The following MAPK10 variants were observed in gnomAD, a reference collection of about 807,000 sequenced individuals.
The protein encoded by MAPK10 is JNK3 alpha protein kinase.
MAPK10 carries 25 observed loss-of-function variants against 59.3 expected under a neutral mutation model. The ratio of observed to expected loss-of-function variants is 0.42; its 90% confidence interval spans 0.31 to 0.59. MAPK10 has a LOEUF of 0.59. Ranked by LOEUF, MAPK10 falls within the 20% of genes least tolerant of loss-of-function variation. The pLI, the probability that MAPK10 is intolerant of heterozygous loss-of-function variation, is 0.15. For missense variants in MAPK10, 351 were observed against 568.9 expected (o/e 0.62, Z 3.90); for synonymous variants, 190 against 200.5 (o/e 0.95, Z 0.44).
intron 2 of MAPK10, among the ~76,000 whole-genome samples, chr4:86,293,193 C>A (rs1427583983): frequency 1.3e-5 from 2 of 152,132 alleles, no homozygotes; most frequent in African/African-American, 4.8e-5. Context: ...TCCAAAATGT[C>A]CCCTAGAATT....
intron 1 of MAPK10, among the ~76,000 whole-genome samples, chr4:86,530,384 A>G (rs1448719194): frequency 6.6e-6 from 1 of 152,200 alleles, no homozygotes; most frequent in Admixed American, 6.5e-5. Flanking sequence ...TGAATGGATG[A>G]GTGAAACATT....
intron 9 of MAPK10, among the ~76,000 whole-genome samples, chr4:86,073,691 TAGTTGAGTGG>T (rs1309833260): frequency 1.8e-5 from 2 of 112,860 alleles, no homozygotes; most frequent in Non-Finnish European, 3.8e-5. Context: ...AGTTTCCATG[TAGTTGAGTGG>T]TTTTGAGTGG....
chr4:86,239,828 G>C (rs553618688), intron 2 of MAPK10, among the ~76,000 whole-genome samples: 123 of 147,542 alleles, frequency 8.3e-4, no homozygotes, highest in Middle Eastern at 3.6e-3. Flanking sequence ...ATTGAGTTTT[G>C]GGAGGGTTTT....
rs550443911 is a variant in MAPK10 at position 86,583,303 on chromosome 4, G to A, written c.-263+10607C>T. Reference sequence around the variant, plus strand: ...CTCCCAAAGTGCTGGGATTACAGGCGTGAGTCACCACGCCTGGCCCCCATA... The same window carrying A: ...CTCCCAAAGTGCTGGGATTACAGGCATGAGTCACCACGCCTGGCCCCCATA... On this transcript the variant is annotated intron_variant, in intron 1 of 4. Transcript: ENST00000502302. Among the ~76,000 whole-genome samples, 413 of 152,160 alleles carry A rather than the reference G, an allele frequency of 2.7e-3. 2 individuals are homozygous for A. Among genetic ancestry groups the A allele is most frequent in the African/African-American group, 9.6e-3 (397 of 41,522 alleles).
chr4:86,021,347 T>C (rs34836858), intron 13 of MAPK10, among the ~76,000 whole-genome samples: 21,171 of 128,524 alleles, frequency 0.16, 1,656 homozygotes, highest in African/African-American at 0.29. Context: ...AGAGTGCTGA[T>C]TGGTATGTTT....
chr4:86,356,071 ACG>A (rs527286758), intron 1 of MAPK10, among the ~76,000 whole-genome samples: 1 of 146,832 alleles, frequency 6.8e-6, no homozygotes, highest in Non-Finnish European at 1.5e-5. Context: ...ACACACACAC[ACG>A]TGTACAAACA....
chr4:86,208,717 A>G (rs1001598356), intron 2 of MAPK10, among the ~76,000 whole-genome samples: 21 of 151,966 alleles, frequency 1.4e-4, no homozygotes, highest in African/African-American at 4.8e-4. Flanking sequence ...CCTATTCAAC[A>G]TAGTGTTGGA....
intron 1 of MAPK10, among the ~76,000 whole-genome samples, chr4:86,374,250 C>T (rs977841826): frequency 6.6e-6 from 1 of 151,886 alleles, no homozygotes; most frequent in Non-Finnish European, 1.5e-5. Context: ...CACACCAGGG[C>T]CTGTTGGGGG....
At chr4:86,021,775 C>G (rs566999091) in intron 13 of MAPK10, among the ~76,000 whole-genome samples, 2 of 152,240 alleles carry the variant, frequency 1.3e-5, no homozygotes, top group Non-Finnish European at 2.9e-5. Flanking sequence ...TAAGGCCCGG[C>G]GAGAAATCGA....
At chr4:86,319,109 T>C (rs1282173781) in intron 2 of MAPK10, among the ~76,000 whole-genome samples, 1 of 152,144 alleles carries the variant, frequency 6.6e-6, no homozygotes, top group African/African-American at 2.4e-5. Flanking sequence ...ATACATCACT[T>C]CCACTGAAAC....
intron 2 of MAPK10, among the ~76,000 whole-genome samples, chr4:86,348,715 C>A (rs1162151239): frequency 2.0e-5 from 3 of 152,248 alleles, no homozygotes; most frequent in African/African-American, 7.2e-5. Flanking sequence ...ACTCTTTGGT[C>A]TCTTAGTTCT....
chr4:86,326,040 T>C (rs976529611), intron 2 of MAPK10: 7 of 152,160 alleles, frequency 4.6e-5, no homozygotes, highest in African/African-American at 1.7e-4. Flanking sequence ...GTAGAGCTAC[T>C]GGGACCAAGA....
chr4:86,481,463 C>T (rs1203151322), intron 1 of MAPK10, among the ~76,000 whole-genome samples: 4 of 150,466 alleles, frequency 2.7e-5, no homozygotes, highest in Non-Finnish European at 5.9e-5. Context: ...CACTATTATT[C>T]CCATCCTCTA....
At chr4:86,309,389 T>C (rs188957358) in intron 2 of MAPK10, among the ~76,000 whole-genome samples, 146 of 152,226 alleles carry the variant, frequency 9.6e-4, no homozygotes, top group African/African-American at 3.1e-3. Flanking sequence ...TGCACAAGCA[T>C]TGCATCAATA....
intron 4 of MAPK10, among the ~76,000 whole-genome samples, chr4:86,136,915 A>G (rs2062303203): frequency 6.6e-6 from 1 of 152,222 alleles, no homozygotes; most frequent in Non-Finnish European, 1.5e-5. Flanking sequence ...TTTTAAACCA[A>G]CAAAGATGAA....
At chr4:86,338,534 T>C (rs1439886151) in intron 2 of MAPK10, among the ~76,000 whole-genome samples, 1 of 152,142 alleles carries the variant, frequency 6.6e-6, no homozygotes, top group Non-Finnish European at 1.5e-5. Context: ...TCCCATGCTC[T>C]GGGGGTGAGT....
chr4:86,252,079 G>C (rs1440458451), intron 2 of MAPK10, among the ~76,000 whole-genome samples: 1 of 120,304 alleles, frequency 8.3e-6, no homozygotes, highest in South Asian at 2.4e-4. Flanking sequence ...TTAGCCCTTT[G>C]TCAGATGAGT....
intron 1 of MAPK10, among the ~76,000 whole-genome samples, chr4:86,486,881 C>T (rs978754291): frequency 3.3e-5 from 5 of 152,128 alleles, no homozygotes; most frequent in African/African-American, 9.7e-5. Flanking sequence ...ACACTATGTG[C>T]CTGAAACACA....
At chr4:86,554,719 A>G (rs1006319723) in intron 1 of MAPK10, among the ~76,000 whole-genome samples, 1 of 152,088 alleles carries the variant, frequency 6.6e-6, no homozygotes, top group Non-Finnish European at 1.5e-5. Context: ...TCCTAACATC[A>G]TTATTTTCTT....
Sources: allele counts gnomAD v4.1 joint callset (sites outside exome capture counted in the v4.1 genomes callset), GRCh38; gene constraint gnomAD v4.1.1; transcripts MANE v1.5; gene names NCBI Gene and HGNC (gene_info 2026-07-23, HGNC 2026-07-21).